The following ERC2 variants were observed in gnomAD, a reference collection of about 807,000 sequenced individuals.
ERC2 encodes the protein ERC protein 2.
A neutral mutation model predicts 114.8 loss-of-function variants in ERC2; 42 were observed. The ratio of observed to expected loss-of-function variants is 0.37; its 90% CI spans 0.29 to 0.47. The LOEUF (loss-of-function observed/expected upper bound fraction) is 0.47. Ranked by LOEUF, ERC2 falls within the 20% of genes least tolerant of loss-of-function variation. The probability of loss-of-function intolerance (pLI) is 0.99; values close to 1 mark genes in which losing one functional copy is unlikely to be tolerated. For synonymous variants in ERC2, 454 were observed against 425.5 expected, an observed-to-expected ratio of 1.07 and a Z score of -0.82; for missense variants, 939 against 1,150.7, an observed-to-expected ratio of 0.82 and a Z score of 2.66.
intron 17 of ERC2, among the ~76,000 whole-genome samples, chr3:55,599,656 C>T (rs558459408): frequency 4.8e-4 from 73 of 152,248 alleles, no homozygotes; most frequent in African/African-American, 1.4e-3. Context: ...ATCAATAGTG[C>T]TATGCTATAG....
At chr3:56,287,187 A>T (rs2054778437) in intron 3 of ERC2, among the ~76,000 whole-genome samples, 2 of 152,230 alleles carry the variant, frequency 1.3e-5, no homozygotes, top group Admixed American at 6.5e-5. Flanking sequence ...TTACAAATGC[A>T]ATTTCCGTGT....
intron 3 of ERC2, among the ~76,000 whole-genome samples, chr3:56,191,301 C>G (rs9830173): frequency 0.65 from 98,764 of 151,850 alleles, 32,543 homozygotes; most frequent in South Asian, 0.81. Flanking sequence ...ATAGAGTCCT[C>G]AGCCACGTAC....
intron 10 of ERC2, among the ~76,000 whole-genome samples, chr3:55,997,464 A>AT (rs562557476): frequency 2.0e-3 from 300 of 149,756 alleles, no homozygotes; most frequent in African/African-American, 7.0e-3. Flanking sequence ...AAAATATTAC[A>AT]TTTTAAAAGA....
chr3:56,255,954 A>C (rs1022134285), intron 3 of ERC2, among the ~76,000 whole-genome samples: 1 of 152,232 alleles, frequency 6.6e-6, no homozygotes, highest in Admixed American at 6.5e-5. Flanking sequence ...TCCCAGGTAC[A>C]TGGTAAGCTC....
At chr3:56,038,209 C>A (rs918843683) in intron 7 of ERC2, among the ~76,000 whole-genome samples, 1 of 152,082 alleles carries the variant, frequency 6.6e-6, no homozygotes, top group Non-Finnish European at 1.5e-5. Context: ...TATCCACAAT[C>A]CACAAGGAAC....
At chr3:56,319,920 T>C (rs1184347704) in intron 2 of ERC2, among the ~76,000 whole-genome samples, 1 of 152,082 alleles carries the variant, frequency 6.6e-6, no homozygotes, top group Non-Finnish European at 1.5e-5. Context: ...GACTAAAAAA[T>C]TTCCAAAACT....
At chr3:56,055,140 A>C (rs2075957332) in intron 7 of ERC2, among the ~76,000 whole-genome samples, 1 of 152,196 alleles carries the variant, frequency 6.6e-6, no homozygotes, top group South Asian at 2.1e-4. Flanking sequence ...GGGCCCCGTT[A>C]ATCAACATCT....
chr3:55,700,652 G>A lies in ERC2; in HGVS notation c.2713-1140C>T, dbSNP rs571876085. 6.6e-5 allele frequency among the ~76,000 whole-genome samples: 10 copies of A among 152,088 alleles called. No individual in the cohort carries two copies. In the South Asian group the frequency reaches 2.1e-3, roughly 32 times the overall value. The stretch of plus-strand genomic sequence containing the variant: ...TTCCTTTGCTTGCAATGCCTCCCTA[G>A]CCCCCTTTCTTCACCTTTAACTTCT... On this transcript the variant is annotated intron_variant, in intron 15 of 17. Transcript: ENST00000288221.
At chr3:55,888,790 A>C (rs2063477656) in intron 13 of ERC2, among the ~76,000 whole-genome samples, 1 of 152,188 alleles carries the variant, frequency 6.6e-6, no homozygotes, top group Non-Finnish European at 1.5e-5. Flanking sequence ...GAGGGATAAA[A>C]GACTACACAT....
chr3:56,297,875 C>A (rs1353848817), intron 2 of ERC2, among the ~76,000 whole-genome samples: 2 of 152,076 alleles, frequency 1.3e-5, no homozygotes, highest in African/African-American at 4.8e-5. Flanking sequence ...TGGCCTACAC[C>A]CAGAAACTAG....
intron 13 of ERC2, among the ~76,000 whole-genome samples, chr3:55,950,046 C>A (rs2067393261): frequency 6.6e-6 from 1 of 152,194 alleles, no homozygotes; most frequent in African/African-American, 2.4e-5. Context: ...CACCCAAATA[C>A]CTTCTGTGAT....
At chr3:56,468,007 C>T (rs1216486770) in intron 1 of ERC2, among the ~76,000 whole-genome samples, 1 of 152,068 alleles carries the variant, frequency 6.6e-6, no homozygotes, top group African/African-American at 2.4e-5. Flanking sequence ...CTGGAGGAAA[C>T]CGTGCACTTG....
chr3:56,419,371 C>A (rs1042955428), intron 2 of ERC2, among the ~76,000 whole-genome samples: 2 of 152,172 alleles, frequency 1.3e-5, no homozygotes, highest in Non-Finnish European at 2.9e-5. Context: ...AATGGAAAGT[C>A]CTTAATGAAA....
In ERC2 at chr3:55,665,748, T is replaced by A. The variant is rs113242059; in HGVS notation, c.*39+18046A>T. 6.4e-3 allele frequency among the ~76,000 whole-genome samples: 971 copies of A among 152,194 alleles called. 16 individuals are homozygous for A. The highest frequency in any genetic ancestry group is 0.022 in the African/African-American group (923 of 41,528). On this transcript the variant is annotated intron_variant, in intron 17 of 17. Coordinates refer to ENST00000288221, the MANE Select transcript of ERC2 (RefSeq NM_015576.3). ...TAGAAAGGAAAGACAAATCATAAGG[T>A]GGGAAGTGTCATCATGGTGCTAATG...
intron 2 of ERC2, among the ~76,000 whole-genome samples, chr3:56,432,379 T>C (rs1190209513): frequency 6.6e-6 from 1 of 152,036 alleles, no homozygotes; most frequent in African/African-American, 2.4e-5. Flanking sequence ...AAAATTAAAA[T>C]GAAGAGAAAA....
chr3:56,420,729 C>T (rs1266607100), intron 2 of ERC2, among the ~76,000 whole-genome samples: 1 of 122,554 alleles, frequency 8.2e-6, no homozygotes. Flanking sequence ...ACTAAAAATA[C>T]AAAAAAAAAA....
chr3:56,076,968 A>G (rs1233648575), intron 7 of ERC2, among the ~76,000 whole-genome samples: 1 of 152,184 alleles, frequency 6.6e-6, no homozygotes, highest in African/African-American at 2.4e-5. Flanking sequence ...GTTGCGAAAG[A>G]GTCTATGAGA....
chr3:56,144,054 G>A (rs1419072752), intron 5 of ERC2, among the ~76,000 whole-genome samples: 1 of 152,170 alleles, frequency 6.6e-6, no homozygotes, highest in Non-Finnish European at 1.5e-5. Context: ...ATTGGTAGTG[G>A]CTAAACAAAA....
intron 3 of ERC2, among the ~76,000 whole-genome samples, chr3:56,237,501 C>T (rs2051030041): frequency 6.6e-6 from 1 of 152,182 alleles, no homozygotes; most frequent in Admixed American, 6.5e-5. Flanking sequence ...GGATGTCAGT[C>T]ACTGTAAAAA....
Sources: allele counts gnomAD v4.1 joint callset (sites outside exome capture counted in the v4.1 genomes callset), GRCh38; gene constraint gnomAD v4.1.1; transcripts MANE v1.5; gene names NCBI Gene and HGNC (gene_info 2026-07-23, HGNC 2026-07-21).